KCTD12: variants seen among roughly 807,000 people sequenced by gnomAD.
The protein encoded by KCTD12 is BTB/POZ domain-containing protein KCTD12.
KCTD12 carries 16 observed loss-of-function variants against 22.6 expected under a neutral mutation model. That is an observed-to-expected ratio of 0.71 (90% confidence interval 0.48 to 1.07). KCTD12 has a LOEUF of 1.07. Ranked by LOEUF, KCTD12 falls within the 50% of genes least tolerant of loss-of-function variation. The probability of loss-of-function intolerance (pLI) is 0.00; values close to 1 mark genes in which losing one functional copy is unlikely to be tolerated. For missense variants in KCTD12, 452 were observed against 469.2 expected (o/e 0.96, Z 0.34); for synonymous variants, 260 against 228.0 (o/e 1.14, Z -1.26).
rs1196100404 is a variant in KCTD12, at chr13:76,885,681, C to G, written c.468G>C (p.Leu156=). The G allele has an allele frequency of 1.4e-6, 2 of 1,450,790 alleles. No individual in the cohort carries two copies. The highest frequency in any genetic ancestry group is 2.9e-5 in the Admixed American group (1 of 34,388). 89.9% of individuals were successfully genotyped at this position (1,450,790 alleles called of 1,614,324 possible). A position where few individuals can be genotyped will look rare whatever the true frequency, so the allele number is the denominator to read the frequency against. ...VHKEGSLGDE[L]LPLGYSEPEQ... The stretch of plus-strand genomic sequence containing the variant: ...CGGGCTCCGAGTAGCCAAGCGGCAG[C>G]AGCTCGTCACCCAGCGAGCCCTCCT... Residue 156 remains leucine, a synonymous_variant, in exon 1 of 1, where the codon CTG becomes CTC. Coordinates refer to ENST00000377474, the MANE Select transcript of KCTD12 (RefSeq NM_138444.4). The surrounding 1 kb of genome is among the most constrained non-coding windows in gnomAD (Gnocchi z 5.1).
chr13:76,886,256 G>T lies in KCTD12; in HGVS notation c.-108C>A, dbSNP rs1382596180. The stretch of plus-strand genomic sequence containing the variant: ...AACCCGGACGCTCGCTCAGCCCTGC[G>T]CCCCGCCGCCGCCGCCGCCGCCACC... On this transcript the variant is annotated 5_prime_UTR_variant, in exon 1 of 1. Transcript: ENST00000377474. 3.1e-6 allele frequency: 4 copies of T among 1,272,102 alleles called. No homozygotes were observed. The highest frequency in any genetic ancestry group is 4.0e-6 in the Non-Finnish European group (4 of 1,000,980). The allele number at this position is 1,272,102 out of a possible 1,614,324, so 78.8% of individuals were successfully genotyped here.
rs2033188867 is a variant in KCTD12 at position 76,880,285 on chromosome 13, T to C, written c.*4886A>G. On this transcript the variant is annotated 3_prime_UTR_variant, in exon 1 of 1. Transcript: ENST00000377474. ...GAAGGAAAACAGTAGCTAGTATTTC[T>C]GTTATACAACTGGTTGTGAACAGGA... 1 of 152,716 alleles carries C rather than the reference T, an allele frequency of 6.5e-6. No individual in the cohort carries two copies. The highest frequency in any genetic ancestry group is 6.5e-5 in the Admixed American group (1 of 15,290). 9.5% of individuals were successfully genotyped at this position (152,716 alleles called of 1,614,324 possible). A position where few individuals can be genotyped will look rare whatever the true frequency, so the allele number is the denominator to read the frequency against.
In KCTD12 at chr13:76,885,588, G is replaced by T. The variant is rs1229810884; in HGVS notation, c.561C>A (p.Ser187=). The T allele has an allele frequency of 6.5e-7, 1 of 1,537,672 alleles. No homozygotes were observed. Among genetic ancestry groups the T allele is most frequent in the Non-Finnish European group, 8.7e-7 (1 of 1,148,320 alleles). ...TGAGCAGCGGGCCCGCCGCGCCCCC[G>T]GACGGACTGCGGCTAGCCAGCTCCA... The part of the protein sequence containing the change: ...PTLELASRSP[S]GGAAGPLLTP... The change falls in exon 1 of 1, where the codon TCC becomes TCA. Residue 187 remains serine (S), a synonymous_variant. Transcript: ENST00000377474. The surrounding 1 kb of genome is among the most constrained non-coding windows in gnomAD (Gnocchi z 5.1).
In KCTD12 at chr13:76,881,302, G is replaced by C. The variant is rs1009016194; in HGVS notation, c.*3869C>G. The C allele has an allele frequency of 1.3e-5, 2 of 152,188 alleles. No homozygotes were observed. The highest frequency in any genetic ancestry group is 4.8e-5 in the African/African-American group (2 of 41,384). 9.4% of individuals were successfully genotyped at this position (152,188 alleles called of 1,614,324 possible). ...TTAGACTATAAAATAAATTCTCAAG[G>C]AATTCAACCCCTCCAGTCAATACTT... On this transcript the variant is annotated 3_prime_UTR_variant, in exon 1 of 1. Coordinates refer to ENST00000377474, the MANE Select transcript of KCTD12 (RefSeq NM_138444.4).
chr13:76,880,178 A>C lies in KCTD12; in HGVS notation c.*4993T>G, dbSNP rs1021696905. 2.0e-5 allele frequency: 3 copies of C among 152,686 alleles called. No homozygotes were observed. Among genetic ancestry groups the C allele is most frequent in the African/African-American group, 7.2e-5 (3 of 41,458 alleles). 9.5% of individuals were successfully genotyped at this position (152,686 alleles called of 1,614,324 possible). ...GCCAAGGAGCCAAGAGGAATAATTA[A>C]AGGAGTGAATGTTTTATTCTTTAGT... On this transcript the variant is annotated 3_prime_UTR_variant, in exon 1 of 1. Transcript: ENST00000377474.
chr13:76,886,279 A>ACCGCCG lies in KCTD12; in HGVS notation c.-137_-132dup. The ACCGCCG allele has an allele frequency of 1.9e-6, 2 of 1,030,746 alleles. No individual in the cohort carries two copies. Among genetic ancestry groups the ACCGCCG allele is most frequent in the Non-Finnish European group, 2.5e-6 (2 of 798,738 alleles). The allele number at this position is 1,030,746 out of a possible 1,614,324, so 63.9% of individuals were successfully genotyped here. A position where few individuals can be genotyped will look rare whatever the true frequency, so the allele number is the denominator to read the frequency against. The stretch of plus-strand genomic sequence containing the variant: ...GCGCCCCGCCGCCGCCGCCGCCGCC[A>ACCGCCG]CCGCCGCCACCGCCACCGCCGCCAC... On this transcript the variant is annotated 5_prime_UTR_variant, in exon 1 of 1. Transcript: ENST00000377474.
rs2033211594 is a variant in KCTD12, at chr13:76,882,197, GT to G, written c.*2973del. On this transcript the variant is annotated 3_prime_UTR_variant, in exon 1 of 1. Coordinates refer to ENST00000377474, the MANE Select transcript of KCTD12 (RefSeq NM_138444.4). ...GTGCTCATGTCAAGTTATTTTACTT[GT>G]TTTTTACTGTCTACCCAATGTAAAA... 6.6e-6 allele frequency: 1 copy of G among 152,118 alleles called. No individual in the cohort carries two copies. Among genetic ancestry groups the G allele is most frequent in the African/African-American group, 2.4e-5 (1 of 41,420 alleles). 9.4% of individuals were successfully genotyped at this position (152,118 alleles called of 1,614,324 possible).
chr13:76,883,848 T>G lies in KCTD12; in HGVS notation c.*1323A>C, dbSNP rs986424442. ...AATGAAACTTCTTTTGCGCAATAGA[T>G]TCCAAAATCAGGATTTATAATCAAC... is the stretch of plus-strand genomic sequence containing the variant. On this transcript the variant is annotated 3_prime_UTR_variant, in exon 1 of 1. Coordinates refer to ENST00000377474, the MANE Select transcript of KCTD12 (RefSeq NM_138444.4). 1 of 152,570 alleles carries G rather than the reference T, an allele frequency of 6.6e-6. No homozygotes were observed. Among genetic ancestry groups the G allele is most frequent in the Non-Finnish European group, 1.5e-5 (1 of 68,020 alleles). The allele number at this position is 152,570 out of a possible 1,614,324, so 9.5% of individuals were successfully genotyped here.
chr13:76,882,549 G>C lies in KCTD12; in HGVS notation c.*2622C>G, dbSNP rs951885352. The C allele has an allele frequency of 2.0e-5, 3 of 152,196 alleles. No individual in the cohort carries two copies. Among genetic ancestry groups the C allele is most frequent in the Non-Finnish European group, 1.5e-5 (1 of 68,030 alleles). The allele number at this position is 152,196 out of a possible 1,614,324, so 9.4% of individuals were successfully genotyped here. A position where few individuals can be genotyped will look rare whatever the true frequency, so the allele number is the denominator to read the frequency against. Reference sequence around the variant, plus strand: ...TGAGCAGATTTGAGAAGGGAAATCAGAATCGCCGAGCCTTGCCATCTGTCA... The same window carrying C: ...TGAGCAGATTTGAGAAGGGAAATCACAATCGCCGAGCCTTGCCATCTGTCA... On this transcript the variant is annotated 3_prime_UTR_variant, in exon 1 of 1. Transcript: ENST00000377474.
Position 76,885,340 on chromosome 13 carries a change from T to A in KCTD12, c.809A>T (p.Tyr270Phe), listed in dbSNP as rs1360946270. ...CTCCAGGAAGTTGAACTTGAGGTAA[T>A]AGCGCGAGGTGTAGCGCTCCGGGGG... ...DRPPERYTSR[Y>F]YLKFNFLEQA... is the part of the protein sequence containing the mutation. Residue 270 changes from tyrosine (Y) to phenylalanine (F), a missense_variant, in exon 1 of 1, where the codon TAT (tyrosine) becomes TTT (phenylalanine). This residue lies in a region of KCTD12 where 122 missense variants were observed against 172.8 expected (regional missense o/e 0.71). Coordinates refer to ENST00000377474, the MANE Select transcript of KCTD12 (RefSeq NM_138444.4). The surrounding 1 kb of genome is among the most constrained non-coding windows in gnomAD (Gnocchi z 5.1). The A allele has an allele frequency of 1.2e-6, 2 of 1,613,866 alleles. No individual in the cohort carries two copies. Among genetic ancestry groups the A allele is most frequent in the Non-Finnish European group, 1.7e-6 (2 of 1,179,934 alleles).
In KCTD12 at chr13:76,886,258, C is replaced by CCCGCCGCCGCCGCCGCCGCCA. The variant is rs1246847300; in HGVS notation, c.-131_-111dup. The CCCGCCGCCGCCGCCGCCGCCA allele has an allele frequency of 8.6e-7, 1 of 1,167,050 alleles. No homozygotes were observed. Among genetic ancestry groups the CCCGCCGCCGCCGCCGCCGCCA allele is most frequent in the Non-Finnish European group, 1.1e-6 (1 of 919,678 alleles). The allele number at this position is 1,167,050 out of a possible 1,614,324, so 72.3% of individuals were successfully genotyped here. ...CCCGGACGCTCGCTCAGCCCTGCGC[C>CCCGCCGCCGCCGCCGCCGCCA]CCGCCGCCGCCGCCGCCGCCACCGC... On this transcript the variant is annotated 5_prime_UTR_variant, in exon 1 of 1. Coordinates refer to ENST00000377474, the MANE Select transcript of KCTD12 (RefSeq NM_138444.4).
chr13:76,886,228 C>G lies in KCTD12; in HGVS notation c.-80G>C. ...GCTGCAACCGCCTTCCCCGGAGCCC[C>G]GGAACCCGGACGCTCGCTCAGCCCT... On this transcript the variant is annotated 5_prime_UTR_variant, in exon 1 of 1. Transcript: ENST00000377474. 7.3e-7 allele frequency: 1 copy of G among 1,375,710 alleles called. No homozygotes were observed. The highest frequency in any genetic ancestry group is 9.3e-7 in the Non-Finnish European group (1 of 1,072,624). The allele number at this position is 1,375,710 out of a possible 1,614,324, so 85.2% of individuals were successfully genotyped here.
Position 76,883,799 on chromosome 13 carries a change from G to A in KCTD12, c.*1372C>T, listed in dbSNP as rs2033229520. ...TGGAGAAAATAAGGATTTTTAATAA[G>A]TGATCTTAGGTCTAAGTAACCAAAA... On this transcript the variant is annotated 3_prime_UTR_variant, in exon 1 of 1. Coordinates refer to ENST00000377474, the MANE Select transcript of KCTD12 (RefSeq NM_138444.4). 6.6e-6 allele frequency: 1 copy of A among 152,628 alleles called. No individual in the cohort carries two copies. Among genetic ancestry groups the A allele is most frequent in the African/African-American group, 2.4e-5 (1 of 41,434 alleles). 9.5% of individuals were successfully genotyped at this position (152,628 alleles called of 1,614,324 possible).
At position 76,882,758 on chromosome 13, in the gene KCTD12, C is replaced by T; in HGVS notation, c.*2413G>A. The T allele has an allele frequency of 8.7e-6, 1 of 114,914 alleles. No homozygotes were observed. The highest frequency in any genetic ancestry group is 1.7e-5 in the Non-Finnish European group (1 of 60,190). 7.1% of individuals were successfully genotyped at this position (114,914 alleles called of 1,614,324 possible). A position where few individuals can be genotyped will look rare whatever the true frequency, so the allele number is the denominator to read the frequency against. ...GCATTACTTAGTCTGAGACCAAACTCAACATACAAGCAAGCACAACTTCCT... is the reference window on the plus strand; with the variant it reads ...GCATTACTTAGTCTGAGACCAAACTTAACATACAAGCAAGCACAACTTCCT... On this transcript the variant is annotated 3_prime_UTR_variant, in exon 1 of 1. Coordinates refer to ENST00000377474, the MANE Select transcript of KCTD12 (RefSeq NM_138444.4).
rs771105498 is a variant in KCTD12, at chr13:76,885,168, A to G, written c.*3T>C. The stretch of plus-strand genomic sequence containing the variant: ...GCTGGAGTGGCGAGGGGGTCTGGGG[A>G]GCTCACTCCCTGCAGAAGACGTACT... On this transcript the variant is annotated 3_prime_UTR_variant, in exon 1 of 1. Transcript: ENST00000377474. This position sits in a 1 kb window ranked among gnomAD's most constrained non-coding sequence, Gnocchi z 5.1. The G allele has an allele frequency of 9.9e-6, 16 of 1,609,580 alleles. No homozygotes were observed. Among genetic ancestry groups the G allele is most frequent in the Non-Finnish European group, 1.4e-5 (16 of 1,177,110 alleles).
Position 76,885,966 on chromosome 13 carries a change from C to T in KCTD12, c.183G>A (p.Trp61Ter), listed in dbSNP as rs2033265444. 1 of 1,589,292 alleles carries T rather than the reference C, an allele frequency of 6.3e-7. No individual in the cohort carries two copies. The highest frequency in any genetic ancestry group is 8.5e-7 in the Non-Finnish European group (1 of 1,175,096). ...GCGGCTGCTGCTGCGTGAACATGCG[C>T]CAGAGCAGCGAGTCGGGCACCGACA... ...TVVSVPDSLL[W>*]RMFTQQQPQE... is the part of the protein sequence containing the mutation. Residue 61 changes from tryptophan to a stop codon, truncating the protein, a stop_gained, in exon 1 of 1, where the codon TGG (tryptophan) becomes TGA (stop). Coordinates refer to ENST00000377474, the MANE Select transcript of KCTD12 (RefSeq NM_138444.4). LOFTEE classifies it high-confidence loss of function. This position sits in a 1 kb window ranked among gnomAD's most constrained non-coding sequence, Gnocchi z 5.1.
rs60493446 is a variant in KCTD12, at chr13:76,881,678, A to AAT, written c.*3492_*3493insAT. ...TATCAATCAAAAACCAGTAGAATACATAACAACATTGAAAGGGAAAAATTT... is the reference window on the plus strand; with the variant it reads ...TATCAATCAAAAACCAGTAGAATACAATTAACAACATTGAAAGGGAAAAATTT... On this transcript the variant is annotated 3_prime_UTR_variant, in exon 1 of 1. Coordinates refer to ENST00000377474, the MANE Select transcript of KCTD12 (RefSeq NM_138444.4). 2 of 200 alleles carry AAT rather than the reference A, an allele frequency of 0.01. No homozygotes were observed. Among genetic ancestry groups the AAT allele is most frequent in the African/African-American group, 0.021 (1 of 48 alleles). The allele number at this position is 200 out of a possible 1,614,324, so 0.0% of individuals were successfully genotyped here. A position where few individuals can be genotyped will look rare whatever the true frequency, so the allele number is the denominator to read the frequency against.
rs750741203 is a variant in KCTD12, at chr13:76,886,270, GCCGCCGCCA to G, written c.-131_-123del. On this transcript the variant is annotated 5_prime_UTR_variant, in exon 1 of 1. Coordinates refer to ENST00000377474, the MANE Select transcript of KCTD12 (RefSeq NM_138444.4). ...CTCAGCCCTGCGCCCCGCCGCCGCC[GCCGCCGCCA>G]CCGCCGCCACCGCCACCGCCGCCAC... 300 of 1,162,396 alleles carry G rather than the reference GCCGCCGCCA, an allele frequency of 2.6e-4. 2 individuals carry two copies. Among genetic ancestry groups the G allele is most frequent in the African/African-American group, 2.1e-3 (120 of 57,822 alleles). 72.0% of individuals were successfully genotyped at this position (1,162,396 alleles called of 1,614,324 possible).
chr13:76,886,317 C>CGCGGAGCCGA lies in KCTD12; in HGVS notation c.-179_-170dup. On this transcript the variant is annotated 5_prime_UTR_variant, in exon 1 of 1. Coordinates refer to ENST00000377474, the MANE Select transcript of KCTD12 (RefSeq NM_138444.4). ...CCACCGCCGCCACCTCCTAGAGCCG[C>CGCGGAGCCGA]GCGGAGCCGAGCGGTGCGAGCGCGC... 1 of 761,478 alleles carries CGCGGAGCCGA rather than the reference C, an allele frequency of 1.3e-6. No homozygotes were observed. The highest frequency in any genetic ancestry group is 1.8e-6 in the Non-Finnish European group (1 of 564,650). The allele number at this position is 761,478 out of a possible 1,614,324, so 47.2% of individuals were successfully genotyped here. A position where few individuals can be genotyped will look rare whatever the true frequency, so the allele number is the denominator to read the frequency against.
Sources: allele counts gnomAD v4.1 joint callset, GRCh38; gene constraint gnomAD v4.1.1; regional missense constraint gnomAD v4.1.1; non-coding constraint Gnocchi (gnomAD v3.1); transcripts MANE v1.5; gene names NCBI Gene and HGNC (gene_info 2026-07-23, HGNC 2026-07-21).